BACH2: variants seen among roughly 807,000 people sequenced by gnomAD.
BACH2 encodes the protein transcription regulator protein BACH2.
Under a neutral mutation model 61.8 loss-of-function variants are expected in BACH2, and 5 were observed. The ratio of observed to expected loss-of-function variants is 0.08; its 90% confidence interval spans 0.04 to 0.17. BACH2 has a LOEUF of 0.17. Ranked by LOEUF, BACH2 falls within the 10% of genes least tolerant of loss-of-function variation. The pLI is 1.00. For synonymous variants in BACH2, 446 were observed against 440.1 expected (o/e 1.01, Z -0.17); for missense variants, 824 against 1,091.1 (o/e 0.76, Z 3.45).
At chr6:90,160,966 T>C (rs1000418143) in intron 4 of BACH2, among the ~76,000 whole-genome samples, 6 of 151,414 alleles carry the variant, frequency 4.0e-5, no homozygotes, top group African/African-American at 1.5e-4. Context: ...CGTGCGCTTG[T>C]AGTACCAGCT....
At chr6:90,276,301 A>G (rs939211479) in intron 1 of BACH2, among the ~76,000 whole-genome samples, 8 of 152,230 alleles carry the variant, frequency 5.3e-5, no homozygotes, top group African/African-American at 1.9e-4. Context: ...CTCATTTCCC[A>G]TGTAACATGC....
intron 7 of BACH2, among the ~76,000 whole-genome samples, chr6:89,949,942 G>A (rs1402894912): frequency 6.6e-6 from 1 of 152,110 alleles, no homozygotes; most frequent in Non-Finnish European, 1.5e-5. Flanking sequence ...AGGTGTAGGA[G>A]GGGGAGAGAG....
chr6:90,180,253 ATTT>A (rs1768113952), intron 4 of BACH2, among the ~76,000 whole-genome samples: 1 of 151,748 alleles, frequency 6.6e-6, no homozygotes, highest in African/African-American at 2.4e-5. Flanking sequence ...TAAGAGTAAA[ATTT>A]ATTATTCAAA....
At chr6:90,073,781 A>C (rs1015162786) in intron 5 of BACH2, among the ~76,000 whole-genome samples, 1 of 152,324 alleles carries the variant, frequency 6.6e-6, no homozygotes, top group South Asian at 2.1e-4. Context: ...AATTCAATTA[A>C]AATTTCCCTT....
intron 2 of BACH2, among the ~76,000 whole-genome samples, chr6:90,257,561 G>A (rs1771018870): frequency 6.6e-6 from 1 of 152,048 alleles, no homozygotes. Context: ...TTATAAATCA[G>A]GTAATTCGTT....
chr6:90,189,885 A>G (rs76705145), intron 4 of BACH2, among the ~76,000 whole-genome samples: 15,590 of 152,204 alleles, frequency 0.1, 927 homozygotes, highest in South Asian at 0.17. Flanking sequence ...AGAACCAAAG[A>G]TATATCATCT....
Position 90,042,839 on chromosome 6 carries a change from G to A in BACH2, c.-12-33983C>T, listed in dbSNP as rs534770052. On this transcript the variant is annotated intron_variant, in intron 5 of 8. Transcript: ENST00000257749. ...GTTCACAATAACAATATTTGTTTTT[G>A]CATAGAATATGGGTCAGAAGAGATG... 4.6e-5 allele frequency among the ~76,000 whole-genome samples: 7 copies of A among 152,260 alleles called. No homozygotes were observed. The East Asian group carries it at 1.3e-3, about 29-fold the overall frequency.
chr6:90,244,016 G>A (rs1437462403), intron 3 of BACH2, among the ~76,000 whole-genome samples: 37 of 152,150 alleles, frequency 2.4e-4, no homozygotes, highest in Admixed American at 2.4e-3. Flanking sequence ...CCATCTCCTG[G>A]GTTCAAATGA....
At chr6:90,037,871 G>A (rs1779338613) in intron 5 of BACH2, among the ~76,000 whole-genome samples, 2 of 152,218 alleles carry the variant, frequency 1.3e-5, no homozygotes, top group Non-Finnish European at 2.9e-5. Flanking sequence ...TGGAGACAGA[G>A]ACACAGGGAG....
rs1065275 is a variant in BACH2, at chr6:89,928,584, T to C, written c.*3824A>G. The C allele has an allele frequency of 6.5e-6, 1 of 152,776 alleles. No homozygotes were observed. The highest frequency in any genetic ancestry group is 6.5e-5 in the Admixed American group (1 of 15,282). 9.5% of individuals were successfully genotyped at this position (152,776 alleles called of 1,614,324 possible). On this transcript the variant is annotated 3_prime_UTR_variant, in exon 9 of 9. Transcript: ENST00000257749. ...CTTTAGCCAGTCCTCTCATGAGTCT[T>C]GTCGCTGGTCCTGGCTCCTTTTGAA...
intron 4 of BACH2, among the ~76,000 whole-genome samples, chr6:90,204,818 T>C (rs1488359061): frequency 6.6e-6 from 1 of 152,238 alleles, no homozygotes; most frequent in East Asian, 1.9e-4. Flanking sequence ...AACACCTGCC[T>C]ACTTTCCAGT....
At chr6:90,122,710 A>G (rs1044763094) in intron 4 of BACH2, among the ~76,000 whole-genome samples, 4 of 152,216 alleles carry the variant, frequency 2.6e-5, no homozygotes, top group African/African-American at 7.2e-5. Flanking sequence ...TGTTCAGAGA[A>G]AGTGTTGGCG....
chr6:89,988,797 G>T (rs1418730696), intron 6 of BACH2, among the ~76,000 whole-genome samples: 2 of 152,154 alleles, frequency 1.3e-5, no homozygotes, highest in Non-Finnish European at 2.9e-5. Context: ...GGAGGCAAAG[G>T]CAAAAAAGAA....
chr6:90,031,552 C>T (rs1778983310), intron 5 of BACH2, among the ~76,000 whole-genome samples: 1 of 152,124 alleles, frequency 6.6e-6, no homozygotes, highest in Non-Finnish European at 1.5e-5. Context: ...CATTCTTATA[C>T]ACCAATAACA....
At chr6:90,050,774 ATT>A (rs34979047) in intron 5 of BACH2, among the ~76,000 whole-genome samples, 2 of 146,974 alleles carry the variant, frequency 1.4e-5, no homozygotes. Context: ...GTTCTCGGTA[ATT>A]TTTTTTTTTT....
At chr6:90,058,722 T>C (rs896606260) in intron 5 of BACH2, among the ~76,000 whole-genome samples, 12 of 152,274 alleles carry the variant, frequency 7.9e-5, no homozygotes, top group Non-Finnish European at 1.5e-4. Flanking sequence ...GACTTCAAAC[T>C]ATACTACAAG....
chr6:90,023,327 G>A (rs887888270), intron 5 of BACH2, among the ~76,000 whole-genome samples: 1 of 151,922 alleles, frequency 6.6e-6, no homozygotes, highest in East Asian at 2.0e-4. Flanking sequence ...CATCCCCCTT[G>A]GAGCTGTTGC....
chr6:90,207,889 G>A (rs1280050685), intron 3 of BACH2, among the ~76,000 whole-genome samples: 1 of 152,090 alleles, frequency 6.6e-6, no homozygotes, highest in Non-Finnish European at 1.5e-5. Flanking sequence ...TCACTGCTAA[G>A]AAAATGATTT....
intron 4 of BACH2, among the ~76,000 whole-genome samples, chr6:90,155,409 GGAAAC>G (rs1784964151): frequency 6.6e-6 from 1 of 152,168 alleles, no homozygotes; most frequent in African/African-American, 2.4e-5. Context: ...TTTTGGAAAA[GGAAAC>G]TAAACTAAGA....
Sources: allele counts gnomAD v4.1 joint callset (sites outside exome capture counted in the v4.1 genomes callset), GRCh38; gene constraint gnomAD v4.1.1; transcripts MANE v1.5; gene names NCBI Gene and HGNC (gene_info 2026-07-23, HGNC 2026-07-21).